Variants in NRXN3 observed in about 807,000 individuals in gnomAD.
The protein encoded by NRXN3 is neurexin III.
NRXN3 carries 32 observed loss-of-function variants against 137.6 expected under a neutral mutation model. The observed-to-expected ratio is 0.23, with a 90% CI of 0.18 to 0.31. The LOEUF (loss-of-function observed/expected upper bound fraction) is 0.31. NRXN3 is among the 10% of genes least tolerant of loss of function. The probability of loss-of-function intolerance (pLI) is 1.00; values close to 1 mark genes in which losing one functional copy is unlikely to be tolerated. For missense variants in NRXN3, 1,574 were observed against 2,062.5 expected, an observed-to-expected ratio of 0.76 and a Z score of 4.59; for synonymous variants, 798 against 784.5, an observed-to-expected ratio of 1.02 and a Z score of -0.29.
chr14:79,101,942 A>G (rs927998732), intron 15 of NRXN3, among the ~76,000 whole-genome samples: 1 of 152,144 alleles, frequency 6.6e-6, no homozygotes, highest in Admixed American at 6.6e-5. Flanking sequence ...CACACAGGGA[A>G]AAATGCCACG....
At chr14:79,358,828 C>T (rs2093581988) in intron 15 of NRXN3, among the ~76,000 whole-genome samples, 1 of 152,094 alleles carries the variant, frequency 6.6e-6, no homozygotes, top group South Asian at 2.1e-4. Flanking sequence ...ACTACTAACT[C>T]TCCTGACCCT....
At chr14:78,580,378 C>G (rs2096981149) in intron 4 of NRXN3, among the ~76,000 whole-genome samples, 2 of 152,136 alleles carry the variant, frequency 1.3e-5, no homozygotes, top group Non-Finnish European at 2.9e-5. Context: ...AGCACTTATC[C>G]TAAGTTGACA....
At chr14:79,151,118 G>T (rs556167825) in intron 15 of NRXN3, among the ~76,000 whole-genome samples, 1 of 152,148 alleles carries the variant, frequency 6.6e-6, no homozygotes, top group African/African-American at 2.4e-5. Context: ...GTATCACAAA[G>T]GGGTGAACTG....
At chr14:79,516,840 C>CT (rs956429579) in intron 16 of NRXN3, among the ~76,000 whole-genome samples, 27 of 151,380 alleles carry the variant, frequency 1.8e-4, no homozygotes, top group Non-Finnish European at 2.5e-4. Flanking sequence ...AAGAGAAATT[C>CT]TTTTTTTTTA....
At chr14:78,965,918 G>C in intron 11 of NRXN3, 107 bp from the exon 12 acceptor site, 1 of 1,278,894 alleles carries the variant, frequency 7.8e-7, no homozygotes, top group Non-Finnish European at 1.1e-6. Context: ...ACCCAAGAAA[G>C]CTGAATATTC....
At chr14:78,818,863 G>A (rs1173361530) in intron 10 of NRXN3, among the ~76,000 whole-genome samples, 1 of 152,026 alleles carries the variant, frequency 6.6e-6, no homozygotes, top group Non-Finnish European at 1.5e-5. Context: ...TCCATTTCTT[G>A]TTTTTCTTGA....
chr14:79,148,464 T>C (rs2059504753), intron 15 of NRXN3, among the ~76,000 whole-genome samples: 1 of 152,168 alleles, frequency 6.6e-6, no homozygotes, highest in African/African-American at 2.4e-5. Flanking sequence ...TTTGCACTTC[T>C]AGCTCTATAG....
At chr14:78,381,409 A>G (rs2089086955) in intron 4 of NRXN3, among the ~76,000 whole-genome samples, 1 of 152,242 alleles carries the variant, frequency 6.6e-6, no homozygotes, top group Non-Finnish European at 1.5e-5. Context: ...TCTAGAATAT[A>G]TAAAGCACCC....
In NRXN3 at chr14:79,708,808, A is replaced by G. The variant is rs566566116; in HGVS notation, c.4014+10871A>G. Among the ~76,000 whole-genome samples the G allele has an allele frequency of 2.6e-4, 39 of 152,292 alleles. No homozygotes were observed. The South Asian group carries it at 6.4e-3, about 25-fold the overall frequency. ...TTGTAAGGTTCTCCTTGATTTCCTC[A>G]TCATTCATGGATGAAATAATTGGGG... is the stretch of plus-strand genomic sequence containing the variant. On this transcript the variant is annotated intron_variant, in intron 19 of 20. Coordinates refer to ENST00000335750, the MANE Select transcript of NRXN3 (RefSeq NM_001330195.2).
At chr14:78,745,985 A>T (rs1294506604) in intron 8 of NRXN3, among the ~76,000 whole-genome samples, 1 of 152,218 alleles carries the variant, frequency 6.6e-6, no homozygotes, top group Non-Finnish European at 1.5e-5. Flanking sequence ...GCAAGATTAA[A>T]TGTACTCATT....
At chr14:78,420,558 G>A (rs2093399516) in intron 4 of NRXN3, among the ~76,000 whole-genome samples, 2 of 152,118 alleles carry the variant, frequency 1.3e-5, no homozygotes, top group Admixed American at 1.3e-4. Context: ...GTTGCATTTG[G>A]GAACAAATGT....
chr14:78,194,418 T>G (rs2153381679), intron 1 of NRXN3, among the ~76,000 whole-genome samples: 1 of 152,280 alleles, frequency 6.6e-6, no homozygotes, highest in Middle Eastern at 3.4e-3. Flanking sequence ...GTGTGAGTCT[T>G]TTGATCTCTG....
intron 6 of NRXN3, among the ~76,000 whole-genome samples, chr14:78,693,448 C>G (rs1746771365): frequency 6.6e-6 from 1 of 151,866 alleles, no homozygotes; most frequent in African/African-American, 2.4e-5. Context: ...AATACCTGCT[C>G]TAGATCCCTG....
chr14:78,353,348 T>C (rs1055985491), intron 4 of NRXN3, among the ~76,000 whole-genome samples: 60 of 152,166 alleles, frequency 3.9e-4, no homozygotes, highest in Non-Finnish European at 6.9e-4. Context: ...ATCACAGTTC[T>C]GGAGGCTGGA....
At chr14:79,441,436 G>A (rs1219935717) in intron 15 of NRXN3, among the ~76,000 whole-genome samples, 2 of 131,312 alleles carry the variant, frequency 1.5e-5, no homozygotes, top group African/African-American at 6.1e-5. Context: ...CTGGAGTGCA[G>A]TGGTGCGATC....
intron 6 of NRXN3, among the ~76,000 whole-genome samples, chr14:78,659,853 AAG>A (rs1189086734): frequency 6.6e-6 from 1 of 152,154 alleles, no homozygotes; most frequent in Non-Finnish European, 1.5e-5. Context: ...GTGGGCAGGA[AAG>A]AGAGAGAGAA....
chr14:79,033,869 C>T (rs1338657213), intron 15 of NRXN3, among the ~76,000 whole-genome samples: 1 of 152,050 alleles, frequency 6.6e-6, no homozygotes. Flanking sequence ...TAATGGGCAT[C>T]AACCATCACA....
At chr14:79,729,830 G>A (rs2098915254) in intron 19 of NRXN3, among the ~76,000 whole-genome samples, 1 of 152,150 alleles carries the variant, frequency 6.6e-6, no homozygotes, top group Non-Finnish European at 1.5e-5. Flanking sequence ...TGAGTGCAGG[G>A]CATGGCTCTA....
At chr14:79,715,861 C>T (rs908917371) in intron 19 of NRXN3, among the ~76,000 whole-genome samples, 1 of 152,308 alleles carries the variant, frequency 6.6e-6, no homozygotes, top group Admixed American at 6.5e-5. Flanking sequence ...AGGACAAGGG[C>T]CAGTGTTCCC....
Sources: gnomAD v4.1 joint callset for allele counts (sites outside exome capture counted in the v4.1 genomes callset) on GRCh38, gnomAD v4.1.1 for gene constraint, MANE v1.5 for transcripts, NCBI Gene and HGNC (gene_info 2026-07-23, HGNC 2026-07-21) for gene names.